The following RAB11FIP5 variants were observed in gnomAD, a reference collection of about 807,000 sequenced individuals.
RAB11FIP5 encodes the protein rab11 family-interacting protein 5.
Under a neutral mutation model 85.1 loss-of-function variants are expected in RAB11FIP5, and 48 were observed. The observed-to-expected ratio is 0.56, with a 90% CI of 0.45 to 0.72. RAB11FIP5 has a LOEUF of 0.72. Among genes scored for constraint, RAB11FIP5 ranks in the 30% least tolerant of loss-of-function variants. The pLI is 0.00. For missense variants in RAB11FIP5, 1,491 were observed against 1,687.0 expected (o/e 0.88, Z 2.04); for synonymous variants, 729 against 727.3 (o/e 1.00, Z -0.04).
intron 3 of RAB11FIP5, among the ~76,000 whole-genome samples, chr2:73,083,941 C>T (rs893315970): frequency 2.0e-4 from 30 of 152,246 alleles, no homozygotes; most frequent in African/African-American, 7.0e-4. Flanking sequence ...AAAAGCACTA[C>T]GCTTAACTCT....
intron 1 of RAB11FIP5, among the ~76,000 whole-genome samples, chr2:73,091,008 T>C (rs1442856097): frequency 3.3e-5 from 5 of 152,182 alleles, no homozygotes; most frequent in African/African-American, 1.2e-4. Context: ...GAACTCTCTA[T>C]ACTTTTCACT....
At chr2:73,112,255 CT>C in intron 1 of RAB11FIP5, 91 bp downstream of exon 1, 1 of 1,340,250 alleles carries the variant, frequency 7.5e-7, no homozygotes, top group Non-Finnish European at 9.7e-7. Context: ...CAAGGGCTCA[CT>C]GGCCCGGCTG....
Position 73,080,973 on chromosome 2 carries a change from C to T in RAB11FIP5, c.2259G>A (p.Ser753=), listed in dbSNP as rs1574293806. The T allele has an allele frequency of 9.7e-6, 12 of 1,232,200 alleles. No individual in the cohort carries two copies. The highest frequency in any genetic ancestry group is 1.2e-5 in the Non-Finnish European group (12 of 988,094). The allele number at this position is 1,232,200 out of a possible 1,614,324, so 76.3% of individuals were successfully genotyped here. ...AGGCTCTCAGCTGTAGCTGGGCTGA[C>T]GAGGAGGGCAGGCCAGCCCCTACCG... ...LGSVGAGLPS[S]SAQLQLRASG... Residue 753 remains serine (S), a synonymous_variant, in exon 4 of 6, where the codon TCG becomes TCA. Transcript: ENST00000486777.
At chr2:73,093,420 G>T (rs1232668932) in intron 1 of RAB11FIP5, among the ~76,000 whole-genome samples, 1 of 152,190 alleles carries the variant, frequency 6.6e-6, no homozygotes, top group Non-Finnish European at 1.5e-5. Flanking sequence ...GGGCACCCAA[G>T]GTCTCCCTTG....
chr2:73,104,117 C>G (rs1010868953), intron 1 of RAB11FIP5, among the ~76,000 whole-genome samples: 3 of 152,202 alleles, frequency 2.0e-5, no homozygotes, highest in Non-Finnish European at 4.4e-5. Flanking sequence ...AAAAACACAA[C>G]GCATTTGCCT....
intron 1 of RAB11FIP5, among the ~76,000 whole-genome samples, chr2:73,105,652 T>C (rs1176886961): frequency 6.6e-6 from 1 of 151,994 alleles, no homozygotes; most frequent in Admixed American, 6.6e-5. Context: ...AGACCAAATG[T>C]GCTTATCCCA....
chr2:73,075,348 A>T lies in RAB11FIP5; in HGVS notation c.*173T>A, dbSNP rs767259867. The T allele has an allele frequency of 1.3e-6, 1 of 742,776 alleles. No homozygotes were observed. The highest frequency in any genetic ancestry group is 2.4e-6 in the Non-Finnish European group (1 of 418,054). The allele number at this position is 742,776 out of a possible 1,614,324, so 46.0% of individuals were successfully genotyped here. A position where few individuals can be genotyped will look rare whatever the true frequency, so the allele number is the denominator to read the frequency against. ...TTGTGCACAGAACCTGATGCCTCCA[A>T]AGGGAATCCAGAGGGCCCCCTTCCA... On this transcript the variant is annotated 3_prime_UTR_variant, in exon 6 of 6. Transcript: ENST00000486777. The surrounding 1 kb of genome is among the most constrained non-coding windows in gnomAD (Gnocchi z 4.6).
intron 1 of RAB11FIP5, among the ~76,000 whole-genome samples, chr2:73,095,430 G>A (rs542606471): frequency 2.0e-5 from 3 of 152,330 alleles, no homozygotes; most frequent in African/African-American, 7.2e-5. Flanking sequence ...CCAAAGTGTA[G>A]GTGGACCTGA....
In RAB11FIP5 at chr2:73,079,877, C is replaced by T; in HGVS notation, c.3355G>A (p.Gly1119Arg). The change falls in exon 4 of 6, where the codon GGG (glycine) becomes AGG (arginine). Residue 1119 changes from glycine to arginine, a missense_variant. Physicochemically the swap from Gly to Arg is moderately radical, Grantham distance 125. Coordinates refer to ENST00000486777, the MANE Select transcript of RAB11FIP5 (RefSeq NM_001371272.1). ...GGAGAGCATGGAGGGCTGGGCCCCCCACGGTGGTGGCTGGCCCAAGGCGGG... is the reference window on the plus strand; with the variant it reads ...GGAGAGCATGGAGGGCTGGGCCCCCTACGGTGGTGGCTGGCCCAAGGCGGG... ...PLPPWASHHR[G>R]GPSPPCSPLS... 1.6e-6 allele frequency: 2 copies of T among 1,232,490 alleles called. No homozygotes were observed. The highest frequency in any genetic ancestry group is 2.0e-6 in the Non-Finnish European group (2 of 988,276). 76.3% of individuals were successfully genotyped at this position (1,232,490 alleles called of 1,614,324 possible). A position where few individuals can be genotyped will look rare whatever the true frequency, so the allele number is the denominator to read the frequency against.
Position 73,080,749 on chromosome 2 carries a change from G to C in RAB11FIP5, c.2483C>G (p.Thr828Arg), listed in dbSNP as rs1305611665. The change falls in exon 4 of 6, where the codon ACA (threonine) becomes AGA (arginine). Residue 828 changes from threonine to arginine, a missense_variant. Coordinates refer to ENST00000486777, the MANE Select transcript of RAB11FIP5 (RefSeq NM_001371272.1). ...ATCCCAAGGCCAGGCATCATCAGCTGTCTCGACGTCAGGGCAAAGCTGATT... is the reference window on the plus strand; with the variant it reads ...ATCCCAAGGCCAGGCATCATCAGCTCTCTCGACGTCAGGGCAAAGCTGATT... ...GENQLCPDVETADDAWPWDVV... is the reference protein window; with the variant it reads ...GENQLCPDVERADDAWPWDVV... The C allele has an allele frequency of 1.6e-6, 2 of 1,232,470 alleles. No individual in the cohort carries two copies. The highest frequency in any genetic ancestry group is 2.0e-6 in the Non-Finnish European group (2 of 988,114). 76.3% of individuals were successfully genotyped at this position (1,232,470 alleles called of 1,614,324 possible). A position where few individuals can be genotyped will look rare whatever the true frequency, so the allele number is the denominator to read the frequency against.
chr2:73,102,179 A>G (rs954869733), intron 1 of RAB11FIP5, among the ~76,000 whole-genome samples: 2 of 152,156 alleles, frequency 1.3e-5, no homozygotes, highest in Non-Finnish European at 2.9e-5. Context: ...GCAGAAGTGC[A>G]GGCAGGAGAA....
chr2:73,106,001 A>G (rs1475095492), intron 1 of RAB11FIP5, among the ~76,000 whole-genome samples: 1 of 152,182 alleles, frequency 6.6e-6, no homozygotes, highest in East Asian at 1.9e-4. Context: ...GCAGTGAGCT[A>G]TGATGGCACC....
chr2:73,088,489 C>A lies in RAB11FIP5; in HGVS notation c.1129G>T (p.Glu377Ter). Residue 377 changes from glutamate (E) to a stop codon, truncating the protein, a stop_gained, in exon 3 of 6, where the codon GAG becomes TAG. Transcript: ENST00000486777. LOFTEE classifies it high-confidence loss of function. ...SLQAVSSRFS[E>*]EGPRSTDDTW... Reference sequence around the variant, plus strand: ...TCATCTGTGGAACGAGGCCCCTCCTCGGAGAACCGGGAAGAGACAGCTTGC... The same window carrying A: ...TCATCTGTGGAACGAGGCCCCTCCTAGGAGAACCGGGAAGAGACAGCTTGC... The A allele has an allele frequency of 6.2e-7, 1 of 1,613,984 alleles. No individual in the cohort carries two copies. Among genetic ancestry groups the A allele is most frequent in the Non-Finnish European group, 8.5e-7 (1 of 1,180,048 alleles).
At chr2:73,084,612 T>G (rs2106106949) in intron 3 of RAB11FIP5, among the ~76,000 whole-genome samples, 1 of 152,300 alleles carries the variant, frequency 6.6e-6, no homozygotes, top group Admixed American at 6.5e-5. Context: ...AACCTGCCAC[T>G]CAACACAGGA....
At chr2:73,076,953 C>T (rs1420567891) in intron 4 of RAB11FIP5, among the ~76,000 whole-genome samples, 1 of 152,210 alleles carries the variant, frequency 6.6e-6, no homozygotes, top group East Asian at 1.9e-4. Flanking sequence ...GTGGAGCCGA[C>T]ACTTGAAGCA....
In RAB11FIP5 at chr2:73,081,010, C is replaced by T; in HGVS notation, c.2222G>A (p.Gly741Glu). The T allele has an allele frequency of 6.5e-6, 8 of 1,232,426 alleles. No homozygotes were observed. Among genetic ancestry groups the T allele is most frequent in the Non-Finnish European group, 8.1e-6 (8 of 988,170 alleles). 76.3% of individuals were successfully genotyped at this position (1,232,426 alleles called of 1,614,324 possible). ...NHQSASAADPGLLGSVGAGLP... is the reference protein window; with the variant it reads ...NHQSASAADPELLGSVGAGLP... ...GCCAGCCCCTACCGACCCGAGGAGCCCTGGGTCAGCCGCGCTCGCGCTCTG... is the reference window on the plus strand; with the variant it reads ...GCCAGCCCCTACCGACCCGAGGAGCTCTGGGTCAGCCGCGCTCGCGCTCTG... Residue 741 changes from glycine (G) to glutamate (E), a missense_variant, in exon 4 of 6, where the codon GGG (glycine) becomes GAG (glutamate). Coordinates refer to ENST00000486777, the MANE Select transcript of RAB11FIP5 (RefSeq NM_001371272.1). This position sits in a 1 kb window ranked among gnomAD's most constrained non-coding sequence, Gnocchi z 4.2.
At position 73,073,734 on chromosome 2, in the gene RAB11FIP5, A is replaced by G. The variant is rs1353420282; in HGVS notation, c.*1787T>C. 6.6e-6 allele frequency: 1 copy of G among 152,216 alleles called. No individual in the cohort carries two copies. The highest frequency in any genetic ancestry group is 1.5e-5 in the Non-Finnish European group (1 of 68,046). The allele number at this position is 152,216 out of a possible 1,614,324, so 9.4% of individuals were successfully genotyped here. On this transcript the variant is annotated 3_prime_UTR_variant, in exon 6 of 6. Transcript: ENST00000486777. ...CTTCTCTAATACCCAATGACCCCCA[A>G]AAGCATGACTGAAACCCTGGGGACC...
rs1399968158 is a variant in RAB11FIP5, at chr2:73,076,083, C to T, written c.3681G>A (p.Leu1227=). ...CAGATGTGACTGTTTTGAGCTTCTC[C>T]AGCCCACTGCTCAGGGCTATGCTCA... ...SSLSIALSSG[L]EKLKTVTSGS... The change falls in exon 5 of 6, where the codon CTG becomes CTA. Residue 1227 remains leucine (L), a synonymous_variant. Transcript: ENST00000486777. 1 of 1,614,062 alleles carries T rather than the reference C, an allele frequency of 6.2e-7. No homozygotes were observed. The highest frequency in any genetic ancestry group is 1.3e-5 in the African/African-American group (1 of 74,946).
rs1684087526 is a variant in RAB11FIP5 at position 73,086,176 on chromosome 2, T to C, written c.1568+1874A>G. The stretch of plus-strand genomic sequence containing the variant: ...GCCATCTTACCCAAAGCACAGCCCC[T>C]CCCACCCCATCTGCATGCACGGCCA... On this transcript the variant is annotated intron_variant, in intron 3 of 5. Coordinates refer to ENST00000486777, the MANE Select transcript of RAB11FIP5 (RefSeq NM_001371272.1). The surrounding 1 kb of genome is among the most constrained non-coding windows in gnomAD (Gnocchi z 4.4). 6.6e-6 allele frequency among the ~76,000 whole-genome samples: 1 copy of C among 152,002 alleles called. No homozygotes were observed. The highest frequency in any genetic ancestry group is 2.4e-5 in the African/African-American group (1 of 41,364).
Sources: gnomAD v4.1 joint callset for allele counts (sites outside exome capture counted in the v4.1 genomes callset) on GRCh38, gnomAD v4.1.1 for gene constraint, Gnocchi (gnomAD v3.1) non-coding constraint, MANE v1.5 for transcripts, NCBI Gene and HGNC (gene_info 2026-07-23, HGNC 2026-07-21) for gene names.